SNX29: variants seen among roughly 807,000 people sequenced by gnomAD.
The protein encoded by SNX29 is sorting nexin 29, also known as sorting nexin-29.
SNX29 carries 78 observed loss-of-function variants against 102.1 expected under a neutral mutation model. The observed-to-expected ratio is 0.76, with a 90% CI of 0.64 to 0.92. The LOEUF is 0.92. SNX29 is among the 40% of genes least tolerant of loss of function. SNX29 has a pLI of 0.00. For synonymous variants in SNX29, 580 were observed against 414.5 expected (o/e 1.40, Z -4.85); for missense variants, 1,280 against 1,061.7 (o/e 1.21, Z -2.86).
At chr16:12,248,647 C>G (rs569494002) in intron 14 of SNX29, among the ~76,000 whole-genome samples, 2 of 152,034 alleles carry the variant, frequency 1.3e-5, no homozygotes, top group African/African-American at 4.8e-5. Context: ...AACTCCTGAT[C>G]TCAAGTGATC....
intron 15 of SNX29, among the ~76,000 whole-genome samples, chr16:12,320,819 T>A (rs1263931413): frequency 3.3e-5 from 5 of 152,246 alleles, no homozygotes; most frequent in Non-Finnish European, 7.3e-5. Context: ...CGTGTTCCAA[T>A]TCTTTAGATG....
intron 20 of SNX29, among the ~76,000 whole-genome samples, chr16:12,530,128 G>C (rs1032503926): frequency 6.6e-6 from 1 of 152,300 alleles, no homozygotes; most frequent in Non-Finnish European, 1.5e-5. Context: ...TCAACCACTT[G>C]GCCCTCTAAG....
At chr16:12,328,569 C>G (rs943027669) in intron 15 of SNX29, among the ~76,000 whole-genome samples, 7 of 152,104 alleles carry the variant, frequency 4.6e-5, no homozygotes, top group African/African-American at 1.2e-4. Flanking sequence ...GCCCAGATTC[C>G]TCGTTCTCTG....
At chr16:12,318,779 T>G (rs551669035) in intron 15 of SNX29, among the ~76,000 whole-genome samples, 1 of 151,980 alleles carries the variant, frequency 6.6e-6, no homozygotes, top group Non-Finnish European at 1.5e-5. Flanking sequence ...TTACAAAGTT[T>G]CCCGGAGCTT....
At chr16:12,458,171 C>T (rs887553436) in intron 18 of SNX29, among the ~76,000 whole-genome samples, 2 of 152,204 alleles carry the variant, frequency 1.3e-5, no homozygotes, top group African/African-American at 2.4e-5. Context: ...CGTGGAGAAA[C>T]CTCAGGCCCA....
intron 14 of SNX29, among the ~76,000 whole-genome samples, chr16:12,221,968 C>T (rs1192672284): frequency 6.6e-6 from 1 of 152,212 alleles, no homozygotes; most frequent in African/African-American, 2.4e-5. Context: ...TGAGCTCTCC[C>T]TTCTCCCTGC....
At chr16:12,367,031 C>T (rs550249665) in intron 16 of SNX29, 1 of 152,262 alleles carries the variant, frequency 6.6e-6, no homozygotes, top group African/African-American at 2.4e-5. Context: ...AACTACAAAG[C>T]CTTTCCATCT....
chr16:12,425,477 A>G lies in SNX29; in HGVS notation c.2037+21948A>G, dbSNP rs138075832. Among the ~76,000 whole-genome samples, 1,340 of 148,544 alleles carry G rather than the reference A, an allele frequency of 9.0e-3. 8 individuals are homozygous for G. Among genetic ancestry groups the G allele is most frequent in the Non-Finnish European group, 0.014 (942 of 67,514 alleles). ...GAGCCCTGGCTGCACACGTAATTCC[A>G]TTGCACGCTGATTCAGTTTGGTCAA... On this transcript the variant is annotated intron_variant, in intron 18 of 20. Coordinates refer to ENST00000566228, the MANE Select transcript of SNX29 (RefSeq NM_032167.5).
rs1057313045 is a variant in SNX29, at chr16:12,096,398, G to A, written c.1402+17483G>A. 6.6e-6 allele frequency among the ~76,000 whole-genome samples: 1 copy of A among 152,230 alleles called. No homozygotes were observed. On this transcript the variant is annotated intron_variant, in intron 11 of 20. Coordinates refer to ENST00000566228, the MANE Select transcript of SNX29 (RefSeq NM_032167.5). The surrounding 1 kb of genome is among the most constrained non-coding windows in gnomAD (Gnocchi z 4.2). ...CTGAGGAGCCAGAGGTGGGGATCCA[G>A]CTTGGCCATGCACAAGCTCTGTGTC...
chr16:11,997,651 G>A (rs1447584493), intron 1 of SNX29, among the ~76,000 whole-genome samples: 1 of 151,856 alleles, frequency 6.6e-6, no homozygotes, highest in Non-Finnish European at 1.5e-5. Flanking sequence ...CTAATTTTTT[G>A]TGTTTTTGGT....
intron 3 of SNX29, among the ~76,000 whole-genome samples, chr16:12,005,902 A>G (rs1184474151): frequency 1.3e-5 from 2 of 152,202 alleles, no homozygotes; most frequent in African/African-American, 4.8e-5. Context: ...AGCATTTTGG[A>G]TAAGGAATAC....
rs2051713504 is a variant in SNX29, at chr16:12,078,785, G to A, written c.1320-48G>A. 4 of 1,506,608 alleles carry A rather than the reference G, an allele frequency of 2.7e-6. No homozygotes were observed. In the African/African-American group the frequency reaches 5.5e-5, roughly 21 times the overall value. The allele number at this position is 1,506,608 out of a possible 1,614,324, so 93.3% of individuals were successfully genotyped here. ...CTAGTTTTTGGAATGGTGAGGGTGT[G>A]TACTTTCAGTGGCCGAGTGTAACTT... is the stretch of plus-strand genomic sequence containing the variant. On this transcript the variant is annotated intron_variant, in intron 10 of 20. Transcript: ENST00000566228.
intron 14 of SNX29, among the ~76,000 whole-genome samples, chr16:12,237,616 AC>A (rs2077977139): frequency 6.6e-6 from 1 of 151,924 alleles, no homozygotes; most frequent in Non-Finnish European, 1.5e-5. Context: ...TACTAAAAAT[AC>A]AAAAATTACT....
At chr16:12,003,755 C>T (rs1452678510) in intron 3 of SNX29, among the ~76,000 whole-genome samples, 1 of 152,094 alleles carries the variant, frequency 6.6e-6, no homozygotes, top group Non-Finnish European at 1.5e-5. Context: ...GCCAATAATC[C>T]CAGCACTTTG....
chr16:12,546,719 C>G (rs575017509), intron 20 of SNX29: 4 of 152,202 alleles, frequency 2.6e-5, no homozygotes, highest in African/African-American at 7.2e-5. Flanking sequence ...ATTATTTTGA[C>G]TAGAAAACTA....
At chr16:12,493,469 T>C (rs1202902059) in intron 19 of SNX29, among the ~76,000 whole-genome samples, 3 of 152,246 alleles carry the variant, frequency 2.0e-5, no homozygotes, top group African/African-American at 7.2e-5. Flanking sequence ...TATACAATCA[T>C]GTCATCTGCA....
intron 2 of SNX29, among the ~76,000 whole-genome samples, chr16:12,000,874 G>C (rs2056262975): frequency 1.3e-5 from 2 of 152,154 alleles, no homozygotes; most frequent in Non-Finnish European, 2.9e-5. Context: ...GCAGCTCTCT[G>C]CTCTTCTGTA....
chr16:12,178,688 C>A (rs1484489751), intron 13 of SNX29, among the ~76,000 whole-genome samples: 1 of 152,238 alleles, frequency 6.6e-6, no homozygotes, highest in East Asian at 1.9e-4. Flanking sequence ...CGTGCATACG[C>A]AATGCTCTTA....
intron 20 of SNX29, among the ~76,000 whole-genome samples, chr16:12,544,776 A>G (rs904707333): frequency 4.6e-5 from 7 of 152,208 alleles, no homozygotes; most frequent in Non-Finnish European, 8.8e-5. Flanking sequence ...CACAGCTGGT[A>G]AACTGCAGAG....
Sources: allele counts gnomAD v4.1 joint callset (sites outside exome capture counted in the v4.1 genomes callset), GRCh38; gene constraint gnomAD v4.1.1; non-coding constraint Gnocchi (gnomAD v3.1); transcripts MANE v1.5; gene names NCBI Gene and HGNC (gene_info 2026-07-23, HGNC 2026-07-21).